ARHGAP42: variants seen among roughly 807,000 people sequenced by gnomAD.
The protein encoded by ARHGAP42 is rho GTPase-activating protein 42.
In ARHGAP42, 63 loss-of-function variants were observed where a neutral mutation model predicts 125.0. The ratio of observed to expected loss-of-function variants is 0.50; its 90% CI spans 0.41 to 0.62. The LOEUF (loss-of-function observed/expected upper bound fraction) is 0.62. ARHGAP42 is among the 20% of genes least tolerant of loss of function. ARHGAP42 has a pLI of 0.00. For synonymous variants in ARHGAP42, 339 were observed against 351.0 expected, an observed-to-expected ratio of 0.97 and a Z score of 0.38; for missense variants, 766 against 1,024.2, an observed-to-expected ratio of 0.75 and a Z score of 3.44.
At chr11:100,691,449 A>G (rs958974393) in intron 1 of ARHGAP42, among the ~76,000 whole-genome samples, 1 of 152,198 alleles carries the variant, frequency 6.6e-6, no homozygotes, top group Non-Finnish European at 1.5e-5. Flanking sequence ...GTAATAATAC[A>G]CAGACCCCAA....
chr11:100,988,917 T>C lies in ARHGAP42; in HGVS notation c.*116T>C, dbSNP rs1858758544. On this transcript the variant is annotated 3_prime_UTR_variant, in exon 24 of 24. Transcript: ENST00000298815. ...CCACTAAGTGAAAACAGTCAATTTC[T>C]ATCAAGTTCTTCACCAGCAGACTAT... The C allele has an allele frequency of 1.1e-5, 7 of 666,346 alleles. No individual in the cohort carries two copies. Among genetic ancestry groups the C allele is most frequent in the Admixed American group, 5.0e-5 (2 of 40,094 alleles). The allele number at this position is 666,346 out of a possible 1,614,324, so 41.3% of individuals were successfully genotyped here.
intron 6 of ARHGAP42, 70 bp from the exon 7 acceptor site, chr11:100,933,086 C>T: frequency 9.5e-7 from 1 of 1,049,892 alleles, no homozygotes; most frequent in Non-Finnish European, 1.4e-6. Context: ...ATAATTTTCT[C>T]CCTATTTTAT....
rs1358947524 is a variant in ARHGAP42 at position 100,956,890 on chromosome 11, A to G, written c.1163-2993A>G. On this transcript the variant is annotated intron_variant, in intron 12 of 23. Transcript: ENST00000298815. ...GTGATATATGCCTGTTCAAAAAACA[A>G]CACTTGTGGCTGACAGTCCCTCAAG... Among the ~76,000 whole-genome samples, 5 of 152,108 alleles carry G rather than the reference A, an allele frequency of 3.3e-5. No homozygotes were observed. The South Asian group carries it at 8.3e-4, about 25-fold the overall frequency.
chr11:100,833,716 T>C (rs1340233074), intron 3 of ARHGAP42, among the ~76,000 whole-genome samples: 2 of 152,150 alleles, frequency 1.3e-5, no homozygotes, highest in South Asian at 2.1e-4. Flanking sequence ...GCCTGACTTA[T>C]CGCCTCGTAT....
intron 16 of ARHGAP42, among the ~76,000 whole-genome samples, chr11:100,964,727 A>C (rs1286834349): frequency 6.6e-6 from 1 of 152,208 alleles, no homozygotes. Flanking sequence ...ACTTGCCATA[A>C]ATGAGTTCTT....
rs115403730 is a variant in ARHGAP42 at position 100,885,104 on chromosome 11, G to A, written c.384+25479G>A. Among the ~76,000 whole-genome samples, 1,356 of 152,206 alleles carry A rather than the reference G, an allele frequency of 8.9e-3. 18 individuals are homozygous for A. Among genetic ancestry groups the A allele is most frequent in the African/African-American group, 0.03 (1,240 of 41,524 alleles). On this transcript the variant is annotated intron_variant, in intron 4 of 23. Coordinates refer to ENST00000298815, the MANE Select transcript of ARHGAP42 (RefSeq NM_152432.4). ...ACAGATTGGGGAGATAGTATTTAGC[G>A]GAGTTGGCATGTATATTCCGATCTG...
intron 5 of ARHGAP42, among the ~76,000 whole-genome samples, chr11:100,914,520 A>G (rs1246199936): frequency 6.6e-6 from 1 of 152,024 alleles, no homozygotes; most frequent in Non-Finnish European, 1.5e-5. Context: ...AACAACAACA[A>G]CAACAACAAC....
chr11:100,875,189 T>G (rs149355846), intron 4 of ARHGAP42, among the ~76,000 whole-genome samples: 1 of 151,934 alleles, frequency 6.6e-6, no homozygotes, highest in Non-Finnish European at 1.5e-5. Flanking sequence ...CATTTTTATT[T>G]TTTATTTTTT....
In ARHGAP42 at chr11:100,687,329, C is replaced by T. The variant is rs1351644737; in HGVS notation, c.-350C>T. The stretch of plus-strand genomic sequence containing the variant: ...TCAAGAGAGTTGGGGAGTGGAACTG[C>T]CGGAAGTGTCTGCGCGCCGTGAGAG... On this transcript the variant is annotated 5_prime_UTR_variant, in exon 1 of 24. Coordinates refer to ENST00000298815, the MANE Select transcript of ARHGAP42 (RefSeq NM_152432.4). Among the ~76,000 whole-genome samples, 1 of 152,114 alleles carries T rather than the reference C, an allele frequency of 6.6e-6. No individual in the cohort carries two copies. Among genetic ancestry groups the T allele is most frequent in the Non-Finnish European group, 1.5e-5 (1 of 68,000 alleles).
rs1264741717 is a variant in ARHGAP42 at position 100,973,372 on chromosome 11, A to G, written c.1710+38A>G. On this transcript the variant is annotated intron_variant, in intron 18 of 23. Coordinates refer to ENST00000298815, the MANE Select transcript of ARHGAP42 (RefSeq NM_152432.4). The stretch of plus-strand genomic sequence containing the variant: ...TTCATGTGGAAGTGTCAAGTTTTAT[A>G]TCTTGGTTTTATAAAGGAATTTTGC... 6 of 1,541,082 alleles carry G rather than the reference A, an allele frequency of 3.9e-6. No individual in the cohort carries two copies. In the Admixed American group the frequency reaches 8.2e-5, roughly 21 times the overall value.
chr11:100,758,527 A>C (rs1233769624), intron 1 of ARHGAP42, among the ~76,000 whole-genome samples: 4 of 152,168 alleles, frequency 2.6e-5, no homozygotes, highest in African/African-American at 9.7e-5. Context: ...CTTGACTGGC[A>C]GGCACTGTGG....
intron 3 of ARHGAP42, chr11:100,816,720 G>A (rs1226985228): frequency 2.0e-5 from 3 of 152,138 alleles, no homozygotes; most frequent in Non-Finnish European, 2.9e-5. Context: ...TTCAGGCAAT[G>A]TTTTAAGAGG....
chr11:100,968,849 T>C (rs1858165158), intron 17 of ARHGAP42, among the ~76,000 whole-genome samples: 1 of 152,166 alleles, frequency 6.6e-6, no homozygotes, highest in Admixed American at 6.6e-5. Context: ...TTATTAAAAT[T>C]GCATTTTAAA....
At chr11:100,715,728 T>A (rs1861649093) in intron 1 of ARHGAP42, among the ~76,000 whole-genome samples, 1 of 152,188 alleles carries the variant, frequency 6.6e-6, no homozygotes, top group African/African-American at 2.4e-5. Context: ...AATCCTCCTC[T>A]GAGATTGATA....
intron 4 of ARHGAP42, among the ~76,000 whole-genome samples, chr11:100,899,086 C>T (rs1427365625): frequency 6.6e-6 from 1 of 152,196 alleles, no homozygotes; most frequent in Non-Finnish European, 1.5e-5. Context: ...TTTCTGCCTT[C>T]ATTTCGTTAT....
At chr11:100,726,146 T>C (rs915503371) in intron 1 of ARHGAP42, among the ~76,000 whole-genome samples, 3 of 140,492 alleles carry the variant, frequency 2.1e-5, no homozygotes, top group Middle Eastern at 3.4e-3. Context: ...GAAATGAAAA[T>C]AAAAGGTTGT....
chr11:100,698,504 C>T (rs764261741), intron 1 of ARHGAP42, among the ~76,000 whole-genome samples: 1 of 151,992 alleles, frequency 6.6e-6, no homozygotes, highest in Non-Finnish European at 1.5e-5. Context: ...GGAGAACCCC[C>T]GTTTCTACTA....
At chr11:100,863,971 T>G (rs966234671) in intron 4 of ARHGAP42, among the ~76,000 whole-genome samples, 1 of 152,226 alleles carries the variant, frequency 6.6e-6, no homozygotes, top group African/African-American at 2.4e-5. Flanking sequence ...TGCAATTACT[T>G]TTGCATCAAC....
intron 8 of ARHGAP42, among the ~76,000 whole-genome samples, chr11:100,939,125 T>A (rs1867811464): frequency 6.6e-6 from 1 of 152,156 alleles, no homozygotes; most frequent in Non-Finnish European, 1.5e-5. Flanking sequence ...GAGGCATGCA[T>A]TAAATCACAT....
Sources: allele counts gnomAD v4.1 joint callset (sites outside exome capture counted in the v4.1 genomes callset), GRCh38; gene constraint gnomAD v4.1.1; transcripts MANE v1.5; gene names NCBI Gene and HGNC (gene_info 2026-07-23, HGNC 2026-07-21).